The following ZNF704 variants were observed in gnomAD, a reference collection of about 807,000 sequenced individuals.
ZNF704 encodes the protein zinc finger protein 704, also known as glucocorticoid induced gene 1.
In ZNF704, 10 loss-of-function variants were observed where a neutral mutation model predicts 44.7. The ratio of observed to expected loss-of-function variants is 0.22; its 90% confidence interval spans 0.14 to 0.38. The LOEUF (loss-of-function observed/expected upper bound fraction) is 0.38. Ranked by LOEUF, ZNF704 falls within the 10% of genes least tolerant of loss-of-function variation. The pLI, the probability that ZNF704 is intolerant of heterozygous loss-of-function variation, is 1.00. For synonymous variants in ZNF704, 211 were observed against 207.6 expected, an observed-to-expected ratio of 1.02 and a Z score of -0.14; for missense variants, 390 against 545.5, an observed-to-expected ratio of 0.71 and a Z score of 2.84.
chr8:80,697,465 C>T (rs7816797), intron 2 of ZNF704, among the ~76,000 whole-genome samples: 2,652 of 152,260 alleles, frequency 0.017, 79 homozygotes, highest in African/African-American at 0.06. Context: ...TCTGTGAGTA[C>T]GGACCTTCCT....
At chr8:80,805,205 T>C (rs944061902) in intron 2 of ZNF704, among the ~76,000 whole-genome samples, 1 of 152,172 alleles carries the variant, frequency 6.6e-6, no homozygotes, top group East Asian at 1.9e-4. Context: ...TTAACAAAAT[T>C]ATTATTGCCT....
At chr8:80,808,195 G>A (rs1205922751) in intron 2 of ZNF704, among the ~76,000 whole-genome samples, 3 of 152,156 alleles carry the variant, frequency 2.0e-5, no homozygotes, top group East Asian at 1.9e-4. Flanking sequence ...TTTTACCTCC[G>A]ATGTGGAAAC....
At chr8:80,879,573 C>T (rs1809399699), upstream of ZNF704, among the ~76,000 whole-genome samples, 1 of 152,112 alleles carries the variant, frequency 6.6e-6, no homozygotes, top group Admixed American at 6.5e-5. Flanking sequence ...CTTAGGACTG[C>T]CATCTCTGTT....
In ZNF704 at chr8:80,691,295, A is replaced by G. The variant is rs558663111; in HGVS notation, c.325+1709T>C. Among the ~76,000 whole-genome samples, 9 of 152,360 alleles carry G rather than the reference A, an allele frequency of 5.9e-5. No homozygotes were observed. In the South Asian group the frequency reaches 1.9e-3, roughly 32 times the overall value. The stretch of plus-strand genomic sequence containing the variant: ...TTTTCATTGATCCTAAGTCTCATTC[A>G]GTGGTCTCAGTGCATTACATTTCAG... On this transcript the variant is annotated intron_variant, in intron 3 of 8. Coordinates refer to ENST00000327835, the MANE Select transcript of ZNF704 (RefSeq NM_001033723.3).
At chr8:80,860,700 T>A (rs899615965) in intron 1 of ZNF704, among the ~76,000 whole-genome samples, 1 of 152,200 alleles carries the variant, frequency 6.6e-6, no homozygotes, top group South Asian at 2.1e-4. Flanking sequence ...AAAACTTGAC[T>A]CCTCTCCTAC....
chr8:80,779,534 A>G (rs1273745178), intron 2 of ZNF704, among the ~76,000 whole-genome samples: 1 of 152,120 alleles, frequency 6.6e-6, no homozygotes, highest in Non-Finnish European at 1.5e-5. Context: ...ATTTTAAAAT[A>G]TTCCATAAAA....
At chr8:80,869,784 T>C (rs967868513) in intron 1 of ZNF704, among the ~76,000 whole-genome samples, 3 of 152,230 alleles carry the variant, frequency 2.0e-5, no homozygotes, top group Non-Finnish European at 4.4e-5. Flanking sequence ...TCCTCCTGAC[T>C]ACATTGCATT....
intron 2 of ZNF704, among the ~76,000 whole-genome samples, chr8:80,724,059 G>A (rs1488535730): frequency 1.3e-5 from 2 of 152,116 alleles, no homozygotes; most frequent in Middle Eastern, 3.2e-3. Context: ...ATACAAAAAT[G>A]GTGTTGTTTT....
rs1296393001 is a variant in ZNF704 at position 80,687,312 on chromosome 8, G to A, written c.472C>T (p.Arg158Cys). ...PLSADSFKPF[R>C]SPAQPDDGID... ...CCGTCGTCTGGCTGCGCGGGGCTGCGGAAGGGCTTGAAGCTGTCAGCCGAG... is the reference window on the plus strand; with the variant it reads ...CCGTCGTCTGGCTGCGCGGGGCTGCAGAAGGGCTTGAAGCTGTCAGCCGAG... The change falls in exon 4 of 9, where the codon CGC becomes TGC. Residue 158 changes from arginine (R) to cysteine (C), a missense_variant. Coordinates refer to ENST00000327835, the MANE Select transcript of ZNF704 (RefSeq NM_001033723.3). The A allele has an allele frequency of 4.3e-6, 7 of 1,612,584 alleles. No individual in the cohort carries two copies. The highest frequency in any genetic ancestry group is 4.0e-5 in the African/African-American group (3 of 74,934).
intron 2 of ZNF704, among the ~76,000 whole-genome samples, chr8:80,820,178 T>A (rs139233532): frequency 1.3e-5 from 2 of 152,332 alleles, no homozygotes; most frequent in East Asian, 3.9e-4. Context: ...CAGAACATAA[T>A]TAAGCACTGT....
chr8:80,686,122 C>A (rs1818530711), intron 4 of ZNF704, among the ~76,000 whole-genome samples: 1 of 152,094 alleles, frequency 6.6e-6, no homozygotes, highest in Admixed American at 6.5e-5. Flanking sequence ...GTGAACATAA[C>A]TGAAATGTAC....
intron 2 of ZNF704, among the ~76,000 whole-genome samples, chr8:80,696,057 A>C (rs1818719871): frequency 6.6e-6 from 1 of 152,188 alleles, no homozygotes. Context: ...ACTACTATCT[A>C]ATTACTGATT....
At chr8:80,871,804 G>A (rs1464345555) in intron 1 of ZNF704, among the ~76,000 whole-genome samples, 2 of 152,202 alleles carry the variant, frequency 1.3e-5, no homozygotes, top group East Asian at 3.8e-4. Flanking sequence ...CTTTAAAAGA[G>A]TAATTTAAAA....
chr8:80,860,386 C>T (rs1303397870), intron 1 of ZNF704, among the ~76,000 whole-genome samples: 2 of 152,206 alleles, frequency 1.3e-5, no homozygotes, highest in African/African-American at 4.8e-5. Flanking sequence ...CCAAAATCAA[C>T]CCCTTCTAGC....
chr8:80,793,792 T>G (rs148311708), intron 2 of ZNF704, among the ~76,000 whole-genome samples: 2 of 152,316 alleles, frequency 1.3e-5, no homozygotes, highest in Admixed American at 1.3e-4. Context: ...TTTCATTAAT[T>G]TTATTGACCA....
chr8:80,731,633 C>A (rs1027040607), intron 2 of ZNF704, among the ~76,000 whole-genome samples: 1 of 152,074 alleles, frequency 6.6e-6, no homozygotes, highest in Admixed American at 6.5e-5. Flanking sequence ...GGTGTGGTGA[C>A]ATGTGCCTAT....
intron 7 of ZNF704, among the ~76,000 whole-genome samples, chr8:80,646,204 G>A (rs1051130273): frequency 6.6e-6 from 1 of 152,218 alleles, no homozygotes; most frequent in Non-Finnish European, 1.5e-5. Context: ...GTAGGGCCAG[G>A]AGTGGTAGCT....
intron 1 of ZNF704, among the ~76,000 whole-genome samples, chr8:80,867,163 C>T (rs1038525764): frequency 1.7e-4 from 26 of 152,126 alleles, no homozygotes; most frequent in African/African-American, 6.3e-4. Context: ...ATCTGTTATC[C>T]TCTGTGTATA....
At chr8:80,662,928 G>A (rs1818123541) in intron 6 of ZNF704, among the ~76,000 whole-genome samples, 1 of 152,140 alleles carries the variant, frequency 6.6e-6, no homozygotes, top group South Asian at 2.1e-4. Flanking sequence ...ATATTATTTA[G>A]TTACATGAAA....
Sources: allele counts gnomAD v4.1 joint callset (sites outside exome capture counted in the v4.1 genomes callset), GRCh38; gene constraint gnomAD v4.1.1; transcripts MANE v1.5; gene names NCBI Gene and HGNC (gene_info 2026-07-23, HGNC 2026-07-21).